GABRA4: variants seen among roughly 807,000 people sequenced by gnomAD.
GABRA4 encodes the protein gamma-aminobutyric acid type A receptor subunit alpha4, also known as gamma-aminobutyric acid receptor subunit alpha-4.
A neutral mutation model predicts 49.7 loss-of-function variants in GABRA4; 12 were observed. That is an observed-to-expected ratio of 0.24 (90% CI 0.15 to 0.39). GABRA4 has a LOEUF of 0.39. Ranked by LOEUF, GABRA4 falls within the 10% of genes least tolerant of loss-of-function variation. GABRA4 has a pLI of 1.00. For synonymous variants in GABRA4, 288 were observed against 240.2 expected (o/e 1.20, Z -1.84); for missense variants, 506 against 686.0 (o/e 0.74, Z 2.93).
At chr4:46,932,861 G>T (rs541025814) in intron 8 of GABRA4, among the ~76,000 whole-genome samples, 1 of 152,028 alleles carries the variant, frequency 6.6e-6, no homozygotes, top group Admixed American at 6.6e-5. Flanking sequence ...ATTAACAATT[G>T]AACCAATCTT....
chr4:46,970,669 A>G lies in GABRA4; in HGVS notation c.874+414T>C, dbSNP rs1722923056. Among the ~76,000 whole-genome samples, 6 of 151,592 alleles carry G rather than the reference A, an allele frequency of 4.0e-5. No homozygotes were observed. In the South Asian group the frequency reaches 1.0e-3, roughly 26 times the overall value. On this transcript the variant is annotated intron_variant, in intron 7 of 8. Transcript: ENST00000264318. ...ATTTTGTTCCTCTTCATTAAAAGCT[A>G]AATTATTCTAAGGCTTTCATATTCA...
chr4:46,977,757 G>A (rs996696924), intron 3 of GABRA4, 127 bp from the exon 4 acceptor site: 1 of 588,974 alleles, frequency 1.7e-6, no homozygotes, highest in East Asian at 2.9e-5. Context: ...AAATTAATAG[G>A]AGCAGGAATG....
rs182737135 is a variant in GABRA4, at chr4:46,980,293, G to A, written c.206-1195C>T. Among the ~76,000 whole-genome samples the A allele has an allele frequency of 4.0e-5, 6 of 150,250 alleles. No homozygotes were observed. The East Asian group carries it at 1.2e-3, about 30-fold the overall frequency. ...TGTATAGCCAGAGGCTAGATATTCC[G>A]TAACTGGGAAGAATGACATCTGCTA... On this transcript the variant is annotated intron_variant, in intron 2 of 8. Transcript: ENST00000264318.
intron 8 of GABRA4, among the ~76,000 whole-genome samples, chr4:46,940,541 C>T (rs1721753404): frequency 6.6e-6 from 1 of 152,052 alleles, no homozygotes; most frequent in Non-Finnish European, 1.5e-5. Flanking sequence ...AATCAGTCCT[C>T]TCCCCCCTAG....
intron 5 of GABRA4, among the ~76,000 whole-genome samples, chr4:46,975,480 C>T (rs1463200502): frequency 6.6e-6 from 1 of 151,810 alleles, no homozygotes; most frequent in Non-Finnish European, 1.5e-5. Flanking sequence ...TTTTTCTTTC[C>T]TGGTTTTTCT....
At chr4:46,948,142 A>G (rs1424405899) in intron 8 of GABRA4, among the ~76,000 whole-genome samples, 1 of 152,074 alleles carries the variant, frequency 6.6e-6, no homozygotes, top group African/African-American at 2.4e-5. Flanking sequence ...TAATGTCTCT[A>G]TTTTCACAGC....
rs34991134 is a variant in GABRA4, at chr4:46,925,757, T to TATCATC, written c.*2462_*2467dup. The stretch of plus-strand genomic sequence containing the variant: ...TTATTATTATTATTATTATTATTAT[T>TATCATC]ATCATCATTATTATCATTGTGTGCA... On this transcript the variant is annotated 3_prime_UTR_variant, in exon 9 of 9. Transcript: ENST00000264318. 12 of 78,866 alleles carry TATCATC rather than the reference T, an allele frequency of 1.5e-4. No individual in the cohort carries two copies. The highest frequency in any genetic ancestry group is 2.0e-4 in the Non-Finnish European group (7 of 35,584). 4.9% of individuals were successfully genotyped at this position (78,866 alleles called of 1,614,324 possible).
intron 8 of GABRA4, among the ~76,000 whole-genome samples, chr4:46,931,390 G>A (rs1034313803): frequency 6.6e-6 from 1 of 152,052 alleles, no homozygotes; most frequent in African/African-American, 2.4e-5. Flanking sequence ...CTGACTCTAA[G>A]TAACTTTACT....
chr4:46,972,893 T>G (rs1723000479), intron 6 of GABRA4, among the ~76,000 whole-genome samples: 1 of 151,702 alleles, frequency 6.6e-6, no homozygotes, highest in Non-Finnish European at 1.5e-5. Flanking sequence ...CTTTGTTACC[T>G]CACATCTTTG....
chr4:46,942,567 G>A (rs1177380767), intron 8 of GABRA4, among the ~76,000 whole-genome samples: 1 of 150,924 alleles, frequency 6.6e-6, no homozygotes, highest in Non-Finnish European at 1.5e-5. Context: ...GGAGTTTGCT[G>A]TGAGCTGAGA....
chr4:46,990,408 A>G (rs1051962111), intron 2 of GABRA4, among the ~76,000 whole-genome samples: 4 of 152,180 alleles, frequency 2.6e-5, no homozygotes, highest in African/African-American at 9.7e-5. Context: ...GTAGATGGTA[A>G]AAAGGATCCA....
At chr4:46,930,587 GAAGAA>G (rs778093658) in intron 8 of GABRA4, among the ~76,000 whole-genome samples, 8 of 151,612 alleles carry the variant, frequency 5.3e-5, no homozygotes, top group African/African-American at 7.3e-5. Flanking sequence ...CCCAAGAAGA[GAAGAA>G]AAGAGAGTAA....
chr4:46,957,321 A>G (rs1247868073), intron 8 of GABRA4, among the ~76,000 whole-genome samples: 1 of 151,924 alleles, frequency 6.6e-6, no homozygotes, highest in East Asian at 1.9e-4. Flanking sequence ...TATTATTTAT[A>G]CATTCTTTTT....
intron 8 of GABRA4, among the ~76,000 whole-genome samples, chr4:46,961,625 G>A (rs192748996): frequency 1.9e-3 from 282 of 151,998 alleles, no homozygotes; most frequent in Middle Eastern, 6.8e-3. Flanking sequence ...ATAAGGGACC[G>A]ATCTGTTATC....
At chr4:46,984,252 C>T (rs1237938178) in intron 2 of GABRA4, among the ~76,000 whole-genome samples, 12 of 152,044 alleles carry the variant, frequency 7.9e-5, no homozygotes. Context: ...TTCCAGCCAC[C>T]TTATCCATGC....
At chr4:46,980,986 A>C (rs1205267898) in intron 2 of GABRA4, among the ~76,000 whole-genome samples, 1 of 152,130 alleles carries the variant, frequency 6.6e-6, no homozygotes, top group African/African-American at 2.4e-5. Context: ...TTGAGAAATC[A>C]AAAGTTACTT....
chr4:46,974,520 C>A, intron 5 of GABRA4, 145 bp from the exon 6 acceptor site: 1 of 735,644 alleles, frequency 1.4e-6, no homozygotes, highest in Non-Finnish European at 2.0e-6. Flanking sequence ...TAATTTAGTT[C>A]ACTATAATTT....
chr4:46,935,875 T>C (rs1013671086), intron 8 of GABRA4, among the ~76,000 whole-genome samples: 19 of 152,166 alleles, frequency 1.2e-4, no homozygotes, highest in Admixed American at 9.2e-4. Flanking sequence ...GGAAAGGATG[T>C]TGCTGGTGAC....
Position 46,922,514 on chromosome 4 carries a change from C to T in GABRA4, c.*5711G>A, listed in dbSNP as rs1721073342. ...AGATGAAGCTCACGCCAGATAAAAA[C>T]TTTTTCAAGAAATAGAGGAAGAGTT... On this transcript the variant is annotated 3_prime_UTR_variant, in exon 9 of 9. Transcript: ENST00000264318. 1 of 152,020 alleles carries T rather than the reference C, an allele frequency of 6.6e-6. No homozygotes were observed. Among genetic ancestry groups the T allele is most frequent in the African/African-American group, 2.4e-5 (1 of 41,404 alleles). 9.4% of individuals were successfully genotyped at this position (152,020 alleles called of 1,614,324 possible). A position where few individuals can be genotyped will look rare whatever the true frequency, so the allele number is the denominator to read the frequency against.
Sources: gnomAD v4.1 joint callset for allele counts (sites outside exome capture counted in the v4.1 genomes callset) on GRCh38, gnomAD v4.1.1 for gene constraint, MANE v1.5 for transcripts, NCBI Gene and HGNC (gene_info 2026-07-23, HGNC 2026-07-21) for gene names.